PRPF18: variants seen among roughly 807,000 people sequenced by gnomAD.
PRPF18 encodes the protein pre-mRNA-splicing factor 18.
PRPF18 carries 38 observed loss-of-function variants against 46.5 expected under a neutral mutation model. The observed-to-expected ratio is 0.82, with a 90% CI of 0.63 to 1.07. The LOEUF (loss-of-function observed/expected upper bound fraction) is 1.07. Ranked by LOEUF, PRPF18 falls within the 50% of genes least tolerant of loss-of-function variation. PRPF18 has a pLI of 0.00. For missense variants in PRPF18, 263 were observed against 410.0 expected, an observed-to-expected ratio of 0.64 and a Z score of 3.10; for synonymous variants, 152 against 146.7, an observed-to-expected ratio of 1.04 and a Z score of -0.26.
At chr10:13,613,456 A>C (rs1276072859) in intron 6 of PRPF18, among the ~76,000 whole-genome samples, 2 of 152,194 alleles carry the variant, frequency 1.3e-5, no homozygotes, top group Non-Finnish European at 2.9e-5. Flanking sequence ...TTTCCTCTCA[A>C]ATAGTTAACT....
Position 13,611,060 on chromosome 10 carries a change from G to A in PRPF18, c.511-555G>A, listed in dbSNP as rs151210800. On this transcript the variant is annotated intron_variant, in intron 5 of 9. Transcript: ENST00000378572. ...TTCCTTTAATTCCTGGCTCTTGTAT[G>A]TGTAGCTGTCCCTCTGAATAAGATC... 3.9e-5 allele frequency among the ~76,000 whole-genome samples: 6 copies of A among 152,256 alleles called. No homozygotes were observed. The South Asian group carries it at 1.2e-3, about 32-fold the overall frequency.
chr10:13,654,720 TC>T, the PRPF18 span: 30 of 571,496 alleles, frequency 5.2e-5, no homozygotes, highest in South Asian at 6.4e-4. Flanking sequence ...AACCTCTGCA[TC>T]CCACCCATTC....
At chr10:13,626,086 G>T (rs1402473549) in intron 9 of PRPF18, among the ~76,000 whole-genome samples, 1 of 152,346 alleles carries the variant, frequency 6.6e-6, no homozygotes, top group Non-Finnish European at 1.5e-5. Context: ...GTCAGTGGTA[G>T]AATTGGGATT....
At chr10:13,644,528 TC>T in the PRPF18 span, 86 of 152,328 alleles carry the variant, frequency 5.6e-4, 1 homozygote, top group African/African-American at 1.9e-3. Flanking sequence ...TTTCTCTCTG[TC>T]CCCCAAGTTG....
At chr10:13,619,714 C>T (rs200681788) in intron 9 of PRPF18, among the ~76,000 whole-genome samples, 5 of 152,074 alleles carry the variant, frequency 3.3e-5, no homozygotes, top group African/African-American at 4.8e-5. Flanking sequence ...AATGCAGAAG[C>T]GATACTGAGT....
chr10:13,605,553 G>T, intron 3 of PRPF18, 78 bp from the exon 4 acceptor site: 1 of 1,373,418 alleles, frequency 7.3e-7, no homozygotes, highest in South Asian at 1.5e-5. Flanking sequence ...CTGCACTCCA[G>T]CCTGGGCAAC....
At chr10:13,637,745 A>T in the PRPF18 span, 28 of 152,380 alleles carry the variant, frequency 1.8e-4, no homozygotes, top group Admixed American at 1.1e-3. Flanking sequence ...TGTCAAGCTT[A>T]AATAACAATT....
the PRPF18 span, chr10:13,651,689 T>G: frequency 1.8e-6 from 1 of 568,740 alleles, no homozygotes; most frequent in Non-Finnish European, 3.1e-6. Flanking sequence ...AAACATACTC[T>G]GGGGGTCTTT....
intron 1 of PRPF18, chr10:13,592,282 C>A (rs1435932747): frequency 1.5e-5 from 7 of 459,702 alleles, no homozygotes; most frequent in Admixed American, 1.5e-4. Context: ...CTTTGGGTTT[C>A]TTCTCTTTAG....
At chr10:13,599,888 GAGCA>G (rs1231488820) in intron 2 of PRPF18, among the ~76,000 whole-genome samples, 4 of 152,230 alleles carry the variant, frequency 2.6e-5, no homozygotes, top group Non-Finnish European at 5.9e-5. Context: ...TAAAGAGGAA[GAGCA>G]AGTTGCTGGT....
intron 3 of PRPF18, 49 bp from the exon 4 acceptor site, chr10:13,605,579 CAAA>C (rs34754785): frequency 3.1e-3 from 3,412 of 1,108,702 alleles, no homozygotes; most frequent in East Asian, 8.1e-3. Context: ...GAGACTGTCT[CAAA>C]AAAAAAAAAA....
chr10:13,635,524 C>T (rs555293669), downstream of PRPF18, among the ~76,000 whole-genome samples: 15 of 152,274 alleles, frequency 9.9e-5, no homozygotes, highest in East Asian at 1.9e-4. Context: ...AGTATAAAAG[C>T]GTTCCTTTTT....
chr10:13,591,472 G>C, intron 1 of PRPF18: 1 of 628,122 alleles, frequency 1.6e-6, no homozygotes, highest in African/African-American at 1.9e-5. Flanking sequence ...ACACCAATTT[G>C]TGAGGATAAA....
chr10:13,633,115 A>G (rs1193000330), downstream of PRPF18, among the ~76,000 whole-genome samples: 1 of 152,122 alleles, frequency 6.6e-6, no homozygotes, highest in Admixed American at 6.5e-5. Flanking sequence ...TCTTTGGGGG[A>G]CAATTAGGAA....
chr10:13,604,432 TATAAA>T (rs2080156978), intron 3 of PRPF18, among the ~76,000 whole-genome samples: 1 of 152,258 alleles, frequency 6.6e-6, no homozygotes, highest in African/African-American at 2.4e-5. Context: ...TATGAATAAT[TATAAA>T]ATAAATATTC....
intron 1 of PRPF18, among the ~76,000 whole-genome samples, chr10:13,593,686 C>T (rs776804224): frequency 1.3e-5 from 2 of 152,134 alleles, no homozygotes; most frequent in Non-Finnish European, 2.9e-5. Context: ...GAGTAATTGG[C>T]AAGGGATTTG....
chr10:13,625,060 G>A (rs935170359), intron 9 of PRPF18, among the ~76,000 whole-genome samples: 1 of 152,324 alleles, frequency 6.6e-6, no homozygotes, highest in East Asian at 1.9e-4. Context: ...GAGGCCAAGC[G>A]TGGTGGCTCA....
At chr10:13,635,714 C>T (rs187274516), downstream of PRPF18, among the ~76,000 whole-genome samples, 35 of 152,222 alleles carry the variant, frequency 2.3e-4, no homozygotes, top group East Asian at 5.0e-3. Context: ...AGTGTCTGTT[C>T]GTGTCCTTTG....
the PRPF18 span, chr10:13,654,637 A>G: frequency 3.1e-6 from 2 of 647,382 alleles, no homozygotes; most frequent in Admixed American, 2.7e-5. Context: ...GGATGCTGGG[A>G]AGGACCCCAG....
Sources: allele counts gnomAD v4.1 joint callset (sites outside exome capture counted in the v4.1 genomes callset), GRCh38; gene constraint gnomAD v4.1.1; transcripts MANE v1.5; gene names NCBI Gene and HGNC (gene_info 2026-07-23, HGNC 2026-07-21).